The following MAMDC2 variants were observed in gnomAD, a reference collection of about 807,000 sequenced individuals.
MAMDC2 encodes MAM domain-containing protein 2.
Under a neutral mutation model 89.8 loss-of-function variants are expected in MAMDC2, and 57 were observed. The ratio of observed to expected loss-of-function variants is 0.63; its 90% CI spans 0.51 to 0.79. The LOEUF is 0.79. MAMDC2 is among the 30% of genes least tolerant of loss of function. MAMDC2 has a pLI of 0.00. For missense variants in MAMDC2, 800 were observed against 820.6 expected (o/e 0.97, Z 0.31); for synonymous variants, 313 against 293.4 (o/e 1.07, Z -0.68).
At chr9:70,056,155 C>T (rs1355629986) in intron 2 of MAMDC2, among the ~76,000 whole-genome samples, 4 of 152,208 alleles carry the variant, frequency 2.6e-5, no homozygotes, top group South Asian at 2.1e-4. Context: ...CTGACTCCTT[C>T]GTTTACCAAT....
intron 5 of MAMDC2, among the ~76,000 whole-genome samples, chr9:70,119,227 A>G (rs2030173461): frequency 6.6e-6 from 1 of 151,180 alleles, no homozygotes; most frequent in Non-Finnish European, 1.5e-5. Flanking sequence ...ATAATGAGGG[A>G]TGCATCTCTT....
At chr9:70,057,602 G>A (rs1228146256) in intron 2 of MAMDC2, among the ~76,000 whole-genome samples, 4 of 152,184 alleles carry the variant, frequency 2.6e-5, no homozygotes, top group Non-Finnish European at 5.9e-5. Flanking sequence ...CATAAAATAA[G>A]TTTGGACACA....
chr9:70,163,419 G>C (rs1563981841), intron 9 of MAMDC2, among the ~76,000 whole-genome samples: 1 of 151,758 alleles, frequency 6.6e-6, no homozygotes, highest in South Asian at 2.1e-4. Flanking sequence ...GTAGAGACAA[G>C]GTTTCGCAAT....
At chr9:70,140,551 G>GA (rs1225183805) in intron 8 of MAMDC2, among the ~76,000 whole-genome samples, 4 of 151,800 alleles carry the variant, frequency 2.6e-5, no homozygotes, top group Non-Finnish European at 2.9e-5. Context: ...TACCTTTAAG[G>GA]AAAAAAAATC....
At chr9:70,060,565 A>G (rs1827126451) in intron 2 of MAMDC2, 1 of 152,222 alleles carries the variant, frequency 6.6e-6, no homozygotes, top group Non-Finnish European at 1.5e-5. Flanking sequence ...TTTATTTCCC[A>G]GAAACAGGAT....
chr9:70,155,814 A>G (rs2031742205), intron 9 of MAMDC2, among the ~76,000 whole-genome samples: 1 of 152,224 alleles, frequency 6.6e-6, no homozygotes, highest in Non-Finnish European at 1.5e-5. Context: ...ATCTTGTTGC[A>G]GAAATCATTA....
intron 5 of MAMDC2, among the ~76,000 whole-genome samples, chr9:70,122,878 G>T (rs967581248): frequency 1.3e-5 from 2 of 152,154 alleles, no homozygotes; most frequent in Admixed American, 6.5e-5. Flanking sequence ...GAGAACCTGG[G>T]CCGATGGGAG....
At chr9:70,130,414 A>G (rs889023794) in intron 6 of MAMDC2, among the ~76,000 whole-genome samples, 2 of 152,156 alleles carry the variant, frequency 1.3e-5, no homozygotes, top group Non-Finnish European at 2.9e-5. Context: ...TGAAGTTTCA[A>G]GCCCTGTTCC....
At chr9:70,199,817 T>C (rs60698193) in intron 11 of MAMDC2, among the ~76,000 whole-genome samples, 53 of 147,844 alleles carry the variant, frequency 3.6e-4, no homozygotes, top group African/African-American at 1.1e-3. Flanking sequence ...ATGAGCATTT[T>C]TTCATGTGTT....
chr9:70,122,994 C>T (rs2030354373), intron 5 of MAMDC2, among the ~76,000 whole-genome samples: 1 of 152,130 alleles, frequency 6.6e-6, no homozygotes, highest in South Asian at 2.1e-4. Context: ...AACTCTCCTG[C>T]AGGTCCAAAG....
chr9:70,108,151 G>T lies in MAMDC2; in HGVS notation c.149-60G>T, dbSNP rs1015278321. ...CAGAGATTTACTTAACTGCAGTTAC[G>T]TATTTTTCCAGGTTGCAAACAAAAA... On this transcript the variant is annotated intron_variant, in intron 2 of 13. Transcript: ENST00000377182. 3.3e-5 allele frequency: 48 copies of T among 1,448,404 alleles called. No homozygotes were observed. In the South Asian group the frequency reaches 6.1e-4, roughly 18 times the overall value. The allele number at this position is 1,448,404 out of a possible 1,614,324, so 89.7% of individuals were successfully genotyped here.
intron 5 of MAMDC2, among the ~76,000 whole-genome samples, chr9:70,114,820 T>C (rs1213981454): frequency 6.6e-6 from 1 of 152,104 alleles, no homozygotes; most frequent in East Asian, 1.9e-4. Context: ...TCAAGTGCAA[T>C]AAGAGTGGTC....
chr9:70,046,364 T>C (rs1421973417), intron 2 of MAMDC2, among the ~76,000 whole-genome samples: 1 of 152,252 alleles, frequency 6.6e-6, no homozygotes, highest in Non-Finnish European at 1.5e-5. Context: ...AAGGAGCTAC[T>C]TGCAGGACCC....
At chr9:70,123,916 T>C (rs2030404046) in intron 5 of MAMDC2, among the ~76,000 whole-genome samples, 1 of 152,246 alleles carries the variant, frequency 6.6e-6, no homozygotes, top group African/African-American at 2.4e-5. Flanking sequence ...CCTTGACTTC[T>C]GGACTCCAGA....
chr9:70,048,190 G>C (rs1826803520), intron 2 of MAMDC2, among the ~76,000 whole-genome samples: 2 of 152,182 alleles, frequency 1.3e-5, no homozygotes, highest in Non-Finnish European at 1.5e-5. Flanking sequence ...GTCAAGGGAA[G>C]TGATACTATG....
rs376681059 is a variant in MAMDC2, at chr9:70,072,633, A to G, written c.148+27936A>G. On this transcript the variant is annotated intron_variant, in intron 2 of 13. Transcript: ENST00000377182. ...GGTGGCACGGTGAAAAAAGTTAAGT[A>G]ACTTGCCCAGGCTATATTGAGTTGA... is the stretch of plus-strand genomic sequence containing the variant. Among the ~76,000 whole-genome samples, 3 of 152,240 alleles carry G rather than the reference A, an allele frequency of 2.0e-5. No homozygotes were observed. The South Asian group carries it at 6.3e-4, about 32-fold the overall frequency.
intron 2 of MAMDC2, among the ~76,000 whole-genome samples, chr9:70,058,493 C>T (rs534413264): frequency 2.6e-5 from 4 of 152,042 alleles, no homozygotes; most frequent in Non-Finnish European, 4.4e-5. Flanking sequence ...TATTGTTCTC[C>T]GTGTTTTTTA....
At chr9:70,067,272 C>A (rs1827288846) in intron 2 of MAMDC2, among the ~76,000 whole-genome samples, 1 of 152,194 alleles carries the variant, frequency 6.6e-6, no homozygotes, top group African/African-American at 2.4e-5. Context: ...GGGGAGGCTG[C>A]TTTCCAGTGG....
intron 2 of MAMDC2, among the ~76,000 whole-genome samples, chr9:70,101,357 A>T (rs181545581): frequency 6.7e-6 from 1 of 149,456 alleles, no homozygotes; most frequent in African/African-American, 2.6e-5. Flanking sequence ...TATTGAAAAA[A>T]GAAAAATATT....
Sources: allele counts gnomAD v4.1 joint callset (sites outside exome capture counted in the v4.1 genomes callset), GRCh38; gene constraint gnomAD v4.1.1; transcripts MANE v1.5; gene names NCBI Gene and HGNC (gene_info 2026-07-23, HGNC 2026-07-21).